Variants in LRP3 observed in about 807,000 individuals in gnomAD.
The protein encoded by LRP3 is LDL receptor related protein 3, also known as low-density lipoprotein receptor-related protein 3.
In LRP3, 49 loss-of-function variants were observed where a neutral mutation model predicts 58.5. The observed-to-expected ratio is 0.84, with a 90% CI of 0.67 to 1.06. The LOEUF (loss-of-function observed/expected upper bound fraction) is 1.06, where lower values mean the gene tolerates loss of function less well. Among genes scored for constraint, LRP3 ranks in the 50% least tolerant of loss-of-function variants. The pLI is 0.00. For missense variants in LRP3, 1,019 were observed against 1,134.2 expected (o/e 0.90, Z 1.46); for synonymous variants, 485 against 492.2 (o/e 0.99, Z 0.20).
At position 33,207,061 on chromosome 19, in the gene LRP3, C is replaced by CCCG; in HGVS notation, c.1808_1810dup (p.Arg603dup). 6.7e-7 allele frequency: 1 copy of CCCG among 1,489,530 alleles called. No individual in the cohort carries two copies. The highest frequency in any genetic ancestry group is 8.9e-7 in the Non-Finnish European group (1 of 1,125,720). 92.3% of individuals were successfully genotyped at this position (1,489,530 alleles called of 1,614,324 possible). On this transcript the variant is annotated inframe_insertion, in exon 7 of 7. Coordinates refer to ENST00000253193, the MANE Select transcript of LRP3 (RefSeq NM_002333.4). ...CGGCACGCCTCCCGCCGGGGGCCCT[C>CCCG]CCGCCGCCGCCTCGGCCGCCTCTGG...
chr19:33,196,668 G>C (rs1974288666), intron 1 of LRP3, 62 bp from the exon 2 acceptor site: 1 of 1,480,608 alleles, frequency 6.8e-7, no homozygotes, highest in Non-Finnish European at 9.4e-7. Flanking sequence ...GTCCCTCATG[G>C]GCTGCTGCTG....
At chr19:33,195,498 G>C (rs1974276614) in intron 1 of LRP3, among the ~76,000 whole-genome samples, 1 of 152,198 alleles carries the variant, frequency 6.6e-6, no homozygotes, top group African/African-American at 2.4e-5. Context: ...CTGTGTAGGC[G>C]AGAGGAGGAG....
intron 2 of LRP3, among the ~76,000 whole-genome samples, chr19:33,200,736 A>G (rs1331467597): frequency 6.6e-6 from 1 of 152,206 alleles, no homozygotes. Context: ...CAGGGTGTAC[A>G]GTGCCCTATT....
Position 33,205,361 on chromosome 19 carries a change from G to A in LRP3, c.591G>A (p.Glu197=), listed in dbSNP as rs745627422. Residue 197 remains glutamate, a synonymous_variant, in exon 5 of 7, where the codon GAG becomes GAA. Transcript: ENST00000253193. The part of the protein sequence containing the change: ...TVDECGDGSD[E]GNCSAPASEP... The stretch of plus-strand genomic sequence containing the variant: ...ACGAGTGTGGAGACGGCTCTGATGA[G>A]GGCAACTGCTCGGCGCCCGCCTCCG... 3.1e-6 allele frequency: 5 copies of A among 1,604,814 alleles called. No homozygotes were observed. The highest frequency in any genetic ancestry group is 4.3e-6 in the Non-Finnish European group (5 of 1,174,326).
chr19:33,203,151 CGT>C (rs1407671763), intron 3 of LRP3, among the ~76,000 whole-genome samples, 165 bp downstream of exon 3: 2 of 147,428 alleles, frequency 1.4e-5, no homozygotes, highest in African/African-American at 2.7e-5. Context: ...ATGAGTGAGG[CGT>C]GTGTGAGCAC....
rs1210827926 is a variant in LRP3, at chr19:33,207,430, C to T, written c.2168C>T (p.Ala723Val). The T allele has an allele frequency of 2.5e-6, 4 of 1,594,896 alleles. No individual in the cohort carries two copies. Among genetic ancestry groups the T allele is most frequent in the Non-Finnish European group, 2.6e-6 (3 of 1,175,362 alleles). Residue 723 changes from alanine (A) to valine (V), a missense_variant, in exon 7 of 7, where the codon GCC becomes GTC. Ala to Val is a moderately conservative substitution (Grantham distance 64). Transcript: ENST00000253193. ...PADAPREPCSAQDPHPQVSTA... is the reference protein window; with the variant it reads ...PADAPREPCSVQDPHPQVSTA... ...GATGCACCTCGGGAGCCCTGCTCAG[C>T]CCAGGACCCGCACCCCCAGGTCTCC...
At chr19:33,201,486 G>A (rs1314772970) in intron 2 of LRP3, among the ~76,000 whole-genome samples, 1 of 152,144 alleles carries the variant, frequency 6.6e-6, no homozygotes, top group Non-Finnish European at 1.5e-5. Flanking sequence ...GTGAATTGTG[G>A]TTTTGTCCTA....
In LRP3 at chr19:33,207,597, G is replaced by A. The variant is rs367913144; in HGVS notation, c.*22G>A. The A allele has an allele frequency of 2.4e-5, 37 of 1,518,646 alleles. No homozygotes were observed. Among genetic ancestry groups the A allele is most frequent in the African/African-American group, 6.8e-5 (5 of 73,448 alleles). 94.1% of individuals were successfully genotyped at this position (1,518,646 alleles called of 1,614,324 possible). ...TTGACCGCTGGGCTCGCTGGTGACCGCCACAGCCCCGCTTTGTAACCAGGG... is the reference window on the plus strand; with the variant it reads ...TTGACCGCTGGGCTCGCTGGTGACCACCACAGCCCCGCTTTGTAACCAGGG... On this transcript the variant is annotated 3_prime_UTR_variant, in exon 7 of 7. Coordinates refer to ENST00000253193, the MANE Select transcript of LRP3 (RefSeq NM_002333.4).
Position 33,194,864 on chromosome 19 carries a change from TGGGCCGCGC to T in LRP3, c.73+13_73+21del. ...GCTGGCCGTCGTCTGTCTGGGTGAG[TGGGCCGCGC>T]GGGCCGGGCAGGTCCGGGTCCCCCG... On this transcript the variant is annotated splice_region_variant and intron_variant, in intron 1 of 6. Transcript: ENST00000253193. 9.1e-7 allele frequency: 1 copy of T among 1,102,602 alleles called. No homozygotes were observed. 68.3% of individuals were successfully genotyped at this position (1,102,602 alleles called of 1,614,324 possible).
At position 33,194,752 on chromosome 19, in the gene LRP3, C is replaced by T. The variant is rs898524864; in HGVS notation, c.-34C>T. On this transcript the variant is annotated 5_prime_UTR_variant, in exon 1 of 7. It introduces an in-frame stop codon into an upstream open reading frame of the 5' UTR. Transcript: ENST00000253193. ...CGGAACCGGAGCCGGAGCCGCGGGG[C>T]AGGAGGCGGCGCCCGCGGGCGGCCG... 4.1e-5 allele frequency: 33 copies of T among 803,726 alleles called. No individual in the cohort carries two copies. In the African/African-American group the frequency reaches 6.5e-4, roughly 16 times the overall value. 49.8% of individuals were successfully genotyped at this position (803,726 alleles called of 1,614,324 possible).
Position 33,207,341 on chromosome 19 carries a change from C to T in LRP3, c.2079C>T (p.Cys693=), listed in dbSNP as rs1365390700. 2.5e-6 allele frequency: 4 copies of T among 1,584,646 alleles called. No homozygotes were observed. The highest frequency in any genetic ancestry group is 3.4e-6 in the Non-Finnish European group (4 of 1,172,208). Residue 693 remains cysteine, a synonymous_variant, in exon 7 of 7, where the codon TGC becomes TGT. Transcript: ENST00000253193. The part of the protein sequence containing the change: ...PLPSGLRDPE[C]RPVDKDRKVC... ...CCTCGGGCCTGCGAGACCCAGAGTG[C>T]AGGCCCGTGGACAAGGACAGAAAGG...
Position 33,204,661 on chromosome 19 carries a change from A to C in LRP3, c.284A>C (p.Glu95Ala). The change falls in exon 4 of 7, where the codon GAG (glutamate) becomes GCG (alanine). Residue 95 changes from glutamate to alanine, a missense_variant. Transcript: ENST00000253193. The stretch of plus-strand genomic sequence containing the variant: ...AGCTTCCGCAACTTTGACGTGGAGG[A>C]GTCCCACCAGTGCTCCCTGGACTGG... ...TISFRNFDVE[E>A]SHQCSLDWLL... 1 of 1,606,972 alleles carries C rather than the reference A, an allele frequency of 6.2e-7. No individual in the cohort carries two copies. Among genetic ancestry groups the C allele is most frequent in the Non-Finnish European group, 8.5e-7 (1 of 1,179,402 alleles).
At position 33,196,670 on chromosome 19, in the gene LRP3, C is replaced by T. The variant is rs539161980; in HGVS notation, c.74-60C>T. Reference sequence around the variant, plus strand: ...GTTTAGCTGTGGTGTCCCTCATGGGCTGCTGCTGGTCCCCAGCAGGTATGT... The same window carrying T: ...GTTTAGCTGTGGTGTCCCTCATGGGTTGCTGCTGGTCCCCAGCAGGTATGT... On this transcript the variant is annotated intron_variant, in intron 1 of 6. Coordinates refer to ENST00000253193, the MANE Select transcript of LRP3 (RefSeq NM_002333.4). The T allele has an allele frequency of 4.4e-5, 65 of 1,486,200 alleles. No individual in the cohort carries two copies. In the Middle Eastern group the frequency reaches 1.6e-3, roughly 37 times the overall value. 92.1% of individuals were successfully genotyped at this position (1,486,200 alleles called of 1,614,324 possible).
intron 2 of LRP3, among the ~76,000 whole-genome samples, chr19:33,201,445 G>A (rs1974340550): frequency 6.6e-6 from 1 of 152,174 alleles, no homozygotes; most frequent in South Asian, 2.1e-4. Context: ...GAGGCAGAGT[G>A]TGGGGCAGGG....
chr19:33,195,540 T>C (rs967319445), intron 1 of LRP3, among the ~76,000 whole-genome samples: 6 of 152,164 alleles, frequency 3.9e-5, no homozygotes, highest in Non-Finnish European at 7.3e-5. Context: ...CTCCTTTATT[T>C]ACTGTGATGA....
chr19:33,205,167 G>C (rs760604412), intron 4 of LRP3, 79 bp from the exon 5 acceptor site: 1 of 1,482,474 alleles, frequency 6.7e-7, no homozygotes, highest in South Asian at 1.2e-5. Context: ...CCACCTGCCC[G>C]CTTTTGGCCC....
intron 2 of LRP3, among the ~76,000 whole-genome samples, chr19:33,198,183 A>G (rs1974305067): frequency 6.6e-6 from 1 of 152,122 alleles, no homozygotes; most frequent in Non-Finnish European, 1.5e-5. Flanking sequence ...CCAAATGTGT[A>G]TATACTCCAC....
chr19:33,207,285 C>G lies in LRP3; in HGVS notation c.2023C>G (p.Pro675Ala), dbSNP rs768303229. 6.4e-7 allele frequency: 1 copy of G among 1,558,686 alleles called. No individual in the cohort carries two copies. Among genetic ancestry groups the G allele is most frequent in the Non-Finnish European group, 8.6e-7 (1 of 1,160,134 alleles). The change falls in exon 7 of 7, where the codon CCG becomes GCG. Residue 675 changes from proline (P) to alanine (A), a missense_variant. Pro to Ala is a conservative substitution (Grantham distance 27). Transcript: ENST00000253193. Reference sequence around the variant, plus strand: ...GCCCCCCAGTGCCCCCGGCCGTGCACCGGAGGTGGGACCTTCAGGGCCACC... The same window carrying G: ...GCCCCCCAGTGCCCCCGGCCGTGCAGCGGAGGTGGGACCTTCAGGGCCACC... ...DRPPSAPGRAPEVGPSGPPLP... is the reference protein window; with the variant it reads ...DRPPSAPGRAAEVGPSGPPLP...
Position 33,207,722 on chromosome 19 carries a change from C to T in LRP3, c.*147C>T. ...CTGGCCCCTAAGCCAGCTGGCTGCA[C>T]TGGTGGGCGGGAGCTGTGGGACTGA... On this transcript the variant is annotated 3_prime_UTR_variant, in exon 7 of 7. Transcript: ENST00000253193. The T allele has an allele frequency of 1.6e-6, 1 of 637,596 alleles. No individual in the cohort carries two copies. The highest frequency in any genetic ancestry group is 2.7e-6 in the Non-Finnish European group (1 of 369,608). 39.5% of individuals were successfully genotyped at this position (637,596 alleles called of 1,614,324 possible).
Sources: gnomAD v4.1 joint callset for allele counts (sites outside exome capture counted in the v4.1 genomes callset) on GRCh38, gnomAD v4.1.1 for gene constraint, MANE v1.5 for transcripts, NCBI Gene and HGNC (gene_info 2026-07-23, HGNC 2026-07-21) for gene names.